The following NAALADL2 variants were observed in gnomAD, a reference collection of about 807,000 sequenced individuals.
NAALADL2 encodes inactive N-acetylated-alpha-linked acidic dipeptidase-like protein 2.
NAALADL2 carries 76 observed loss-of-function variants against 87.2 expected under a neutral mutation model. The ratio of observed to expected loss-of-function variants is 0.87; its 90% CI spans 0.72 to 1.05. The LOEUF is 1.05. NAALADL2 is among the 50% of genes least tolerant of loss of function. The pLI is 0.00. For synonymous variants in NAALADL2, 354 were observed against 331.0 expected (o/e 1.07, Z -0.75); for missense variants, 1,089 against 945.8 (o/e 1.15, Z -1.99).
At chr3:175,144,564 C>T (rs1444554550) in intron 2 of NAALADL2, among the ~76,000 whole-genome samples, 2 of 151,844 alleles carry the variant, frequency 1.3e-5, no homozygotes, top group African/African-American at 4.8e-5. Flanking sequence ...CAGAGATGGC[C>T]ACTTTTAGCA....
intron 9 of NAALADL2, among the ~76,000 whole-genome samples, chr3:175,567,150 T>G (rs941745377): frequency 1.3e-5 from 2 of 152,214 alleles, no homozygotes; most frequent in South Asian, 4.1e-4. Context: ...CTGAATATTT[T>G]CTAATGTTTT....
At chr3:175,315,048 T>C (rs1758964336) in intron 4 of NAALADL2, among the ~76,000 whole-genome samples, 1 of 152,058 alleles carries the variant, frequency 6.6e-6, no homozygotes, top group African/African-American at 2.4e-5. Context: ...ACAATGTCAC[T>C]TGGTTTACTG....
At chr3:175,614,819 C>G (rs1172624725) in intron 10 of NAALADL2, among the ~76,000 whole-genome samples, 1 of 152,084 alleles carries the variant, frequency 6.6e-6, no homozygotes, top group Non-Finnish European at 1.5e-5. Flanking sequence ...TGCTGAAAAT[C>G]AATTTTTTTA....
At position 175,678,932 on chromosome 3, in the gene NAALADL2, G is replaced by A. The variant is rs181605293; in HGVS notation, c.1896+51546G>A. On this transcript the variant is annotated intron_variant, in intron 11 of 13. Coordinates refer to ENST00000454872, the MANE Select transcript of NAALADL2 (RefSeq NM_207015.3). ...CTGTTCATTTCACCTGGGTGCAGGC[G>A]GGCTGAGTCCAAAAAGAGAGTCAGC... 9.9e-5 allele frequency among the ~76,000 whole-genome samples: 15 copies of A among 152,080 alleles called. 1 individual carries two copies. Among genetic ancestry groups the A allele is most frequent in the South Asian group, 2.1e-4 (1 of 4,822 alleles).
chr3:174,752,046 C>G, intron 3 of NAALADL2, among the ~76,000 whole-genome samples: 1 of 151,898 alleles, frequency 6.6e-6, no homozygotes. Flanking sequence ...GGCGTGATCT[C>G]GGCTCACTGC....
chr3:175,180,749 ATAT>A (rs528573491), intron 2 of NAALADL2, among the ~76,000 whole-genome samples: 41 of 151,044 alleles, frequency 2.7e-4, no homozygotes, highest in Admixed American at 2.5e-3. Context: ...ATAATTATCA[ATAT>A]TATTATTATT....
At chr3:174,930,564 T>C (rs1200666375) in intron 1 of NAALADL2, among the ~76,000 whole-genome samples, 1 of 150,182 alleles carries the variant, frequency 6.7e-6, no homozygotes, top group African/African-American at 2.5e-5. Flanking sequence ...TATAATGTTA[T>C]ATTATATACC....
intron 2 of NAALADL2, among the ~76,000 whole-genome samples, chr3:175,170,420 T>TTA (rs1734633403): frequency 6.8e-6 from 1 of 147,436 alleles, no homozygotes; most frequent in African/African-American, 2.5e-5. Flanking sequence ...GCCATTTAAA[T>TTA]GGAGTTAAAA....
intron 1 of NAALADL2, among the ~76,000 whole-genome samples, chr3:174,549,705 A>T (rs1711885568): frequency 6.6e-6 from 1 of 152,130 alleles, no homozygotes; most frequent in Non-Finnish European, 1.5e-5. Context: ...TTAGGTAATC[A>T]TTGGCTTTTA....
At chr3:175,232,747 T>C (rs1017837375) in intron 2 of NAALADL2, among the ~76,000 whole-genome samples, 2 of 152,154 alleles carry the variant, frequency 1.3e-5, no homozygotes, top group Admixed American at 1.3e-4. Context: ...GTGAGAAAAA[T>C]AATGTGATGG....
At chr3:174,617,595 C>G (rs1431740399) in intron 2 of NAALADL2, among the ~76,000 whole-genome samples, 1 of 151,404 alleles carries the variant, frequency 6.6e-6, no homozygotes, top group Non-Finnish European at 1.5e-5. Context: ...TGATCAGAGT[C>G]CAAAAGAGAT....
intron 5 of NAALADL2, among the ~76,000 whole-genome samples, chr3:175,365,531 T>C (rs925487478): frequency 2.7e-5 from 4 of 147,788 alleles, no homozygotes; most frequent in East Asian, 2.0e-4. Context: ...TGACCCATTG[T>C]ATACTTTGAT....
intron 1 of NAALADL2, among the ~76,000 whole-genome samples, chr3:174,973,618 G>C (rs1743988868): frequency 6.6e-6 from 1 of 152,106 alleles, no homozygotes; most frequent in Admixed American, 6.6e-5. Context: ...TGCATTGTTA[G>C]GCAGTTCCGT....
intron 11 of NAALADL2, among the ~76,000 whole-genome samples, chr3:175,719,220 A>G (rs1741860567): frequency 6.9e-6 from 1 of 145,714 alleles, no homozygotes; most frequent in African/African-American, 2.5e-5. Flanking sequence ...GATGGGGGTT[A>G]CAAAAAAAAA....
chr3:174,706,735 G>T (rs1578620029), intron 2 of NAALADL2, among the ~76,000 whole-genome samples: 2 of 152,172 alleles, frequency 1.3e-5, no homozygotes, highest in Admixed American at 1.3e-4. Context: ...AAATGGTATT[G>T]CCTAGGTTTT....
At chr3:175,179,150 C>G (rs1215959574) in intron 2 of NAALADL2, among the ~76,000 whole-genome samples, 1 of 152,004 alleles carries the variant, frequency 6.6e-6, no homozygotes, top group Non-Finnish European at 1.5e-5. Flanking sequence ...CTGCTCCTAA[C>G]ACAAAATATA....
chr3:175,145,873 A>ACTTT (rs1553789628), intron 2 of NAALADL2, among the ~76,000 whole-genome samples: 2 of 138,136 alleles, frequency 1.4e-5, no homozygotes, highest in African/African-American at 5.0e-5. Context: ...TTTGAAATGT[A>ACTTT]CTCTTTTGAC....
chr3:175,243,444 C>G (rs1417593366), intron 3 of NAALADL2, among the ~76,000 whole-genome samples: 1 of 150,908 alleles, frequency 6.6e-6, no homozygotes, highest in Non-Finnish European at 1.5e-5. Flanking sequence ...CACAGTTCCT[C>G]AGGAAACAGT....
chr3:175,663,343 C>T (rs1398043130), intron 11 of NAALADL2, among the ~76,000 whole-genome samples: 1 of 151,316 alleles, frequency 6.6e-6, no homozygotes, highest in Non-Finnish European at 1.5e-5. Flanking sequence ...TATAATAGTC[C>T]AATTTGTTTG....
Sources: allele counts gnomAD v4.1 joint callset (sites outside exome capture counted in the v4.1 genomes callset), GRCh38; gene constraint gnomAD v4.1.1; transcripts MANE v1.5; gene names NCBI Gene and HGNC (gene_info 2026-07-23, HGNC 2026-07-21).